The following PHACTR2 variants were observed in gnomAD, a reference collection of about 807,000 sequenced individuals.
PHACTR2 encodes the protein phosphatase and actin regulator 2.
Under a neutral mutation model 76.0 loss-of-function variants are expected in PHACTR2, and 30 were observed. The ratio of observed to expected loss-of-function variants is 0.39; its 90% CI spans 0.30 to 0.54. PHACTR2 has a LOEUF of 0.54. Ranked by LOEUF, PHACTR2 falls within the 20% of genes least tolerant of loss-of-function variation. The pLI is 0.61. For synonymous variants in PHACTR2, 292 were observed against 292.5 expected, an observed-to-expected ratio of 1.00 and a Z score of 0.02; for missense variants, 696 against 781.1, an observed-to-expected ratio of 0.89 and a Z score of 1.30.
At chr6:143,706,343 T>G (rs1190083295) in intron 1 of PHACTR2, among the ~76,000 whole-genome samples, 2 of 152,234 alleles carry the variant, frequency 1.3e-5, no homozygotes, top group African/African-American at 4.8e-5. Flanking sequence ...CTTCTAGGCC[T>G]TCTGAGAGGA....
At position 143,765,374 on chromosome 6, in the gene PHACTR2, G is replaced by A. The variant is rs1320350082; in HGVS notation, c.808G>A (p.Gly270Arg). The A allele has an allele frequency of 1.2e-6, 2 of 1,614,212 alleles. No homozygotes were observed. The highest frequency in any genetic ancestry group is 2.2e-5 in the East Asian group (1 of 44,878). ...ASKETVSSKA[G>R]TVGTTKGKRK... ...AAAGGAGACAGTTTCTAGCAAAGCA[G>A]GGACAGTGGGGACCACCAAGGGCAA... The change falls in exon 6 of 13, where the codon GGG (glycine) becomes AGG (arginine). Residue 270 changes from glycine to arginine, a missense_variant. This residue lies in a region of PHACTR2 where 460 missense variants were observed against 450.9 expected (regional missense o/e 1.02). Coordinates refer to ENST00000440869, the MANE Select transcript of PHACTR2 (RefSeq NM_001100164.2). The surrounding 1 kb of genome is among the most constrained non-coding windows in gnomAD (Gnocchi z 4.1).
At position 143,550,948 on chromosome 6, in the gene PHACTR2, G is replaced by A. The variant is rs1412860963; in HGVS notation, c.217+13741G>A. Among the ~76,000 whole-genome samples, 1 of 151,944 alleles carries A rather than the reference G, an allele frequency of 6.6e-6. No homozygotes were observed. The highest frequency in any genetic ancestry group is 1.9e-4 in the East Asian group (1 of 5,192). ...CAGCTACTTGGGAACTGAGGCAGGA[G>A]GATCACTTGAGCCTGGGAGGTTGAG... On this transcript the variant is annotated intron_variant, in intron 1 of 11. Coordinates refer to the PHACTR2 transcript ENST00000367584. The surrounding 1 kb of genome is among the most constrained non-coding windows in gnomAD (Gnocchi z 4.8).
intron 1 of PHACTR2, among the ~76,000 whole-genome samples, chr6:143,702,468 G>C (rs1029989346): frequency 1.3e-5 from 2 of 152,066 alleles, no homozygotes; most frequent in Non-Finnish European, 2.9e-5. Flanking sequence ...AGTGTTGCTG[G>C]TTCACCATGA....
At chr6:143,798,203 TGTTA>T (rs1775870572) in intron 11 of PHACTR2, among the ~76,000 whole-genome samples, 1 of 152,212 alleles carries the variant, frequency 6.6e-6, no homozygotes, top group Admixed American at 6.5e-5. Context: ...TCTGTTTGTC[TGTTA>T]TTGATGTATA....
Position 143,820,014 on chromosome 6 carries a change from G to T in PHACTR2, c.1923-3660G>T, listed in dbSNP as rs1197897412. On this transcript the variant is annotated intron_variant, in intron 12 of 12. Coordinates refer to ENST00000440869, the MANE Select transcript of PHACTR2 (RefSeq NM_001100164.2). The surrounding 1 kb of genome is among the most constrained non-coding windows in gnomAD (Gnocchi z 4.2). ...CGAAGGGGGAGCAGGCACATCACAT[G>T]GCAAGAATGGGAGAAAGAGTGGAGG... Among the ~76,000 whole-genome samples, 1 of 152,138 alleles carries T rather than the reference G, an allele frequency of 6.6e-6. No homozygotes were observed. The highest frequency in any genetic ancestry group is 2.4e-5 in the African/African-American group (1 of 41,424).
chr6:143,565,696 A>T (rs1039619786), intron 1 of PHACTR2, among the ~76,000 whole-genome samples: 7 of 151,922 alleles, frequency 4.6e-5, no homozygotes, highest in Non-Finnish European at 1.5e-5. Flanking sequence ...GATGGTGATA[A>T]GTGAACAGAG....
At position 143,757,230 on chromosome 6, in the gene PHACTR2, A is replaced by G. The variant is rs1242480216; in HGVS notation, c.455-3171A>G. On this transcript the variant is annotated intron_variant, in intron 4 of 12. Coordinates refer to ENST00000440869, the MANE Select transcript of PHACTR2 (RefSeq NM_001100164.2). This position sits in a 1 kb window ranked among gnomAD's most constrained non-coding sequence, Gnocchi z 4.2. ...AGACTCTACTAGGGGCCAGGAAAAGAGTAGTAAATGAAAAATGGCCTTTGC... is the reference window on the plus strand; with the variant it reads ...AGACTCTACTAGGGGCCAGGAAAAGGGTAGTAAATGAAAAATGGCCTTTGC... Among the ~76,000 whole-genome samples the G allele has an allele frequency of 2.0e-5, 3 of 152,324 alleles. No homozygotes were observed.
intron 1 of PHACTR2, among the ~76,000 whole-genome samples, chr6:143,586,878 G>T (rs929811367): frequency 6.6e-6 from 1 of 152,114 alleles, no homozygotes; most frequent in Non-Finnish European, 1.5e-5. Context: ...AGCCTTTGAA[G>T]TCGAGTCCCG....
chr6:143,655,375 T>A lies in PHACTR2; in HGVS notation c.13+47053T>A, dbSNP rs373221383. Among the ~76,000 whole-genome samples the A allele has an allele frequency of 5.3e-5, 8 of 152,178 alleles. No homozygotes were observed. In the East Asian group the frequency reaches 1.2e-3, roughly 22 times the overall value. On this transcript the variant is annotated intron_variant, in intron 1 of 11. Transcript: ENST00000305766. ...GGGTTTCTTACTGGGTTGATGACAA[T>A]ACCATAAAATTGATGGTAGTGATGG...
In PHACTR2 at chr6:143,800,956, G is replaced by A. The variant is rs1775940257; in HGVS notation, c.1846-6101G>A. 6.6e-6 allele frequency among the ~76,000 whole-genome samples: 1 copy of A among 152,112 alleles called. No individual in the cohort carries two copies. The highest frequency in any genetic ancestry group is 1.5e-5 in the Non-Finnish European group (1 of 68,030). Reference sequence around the variant, plus strand: ...ATTTTATTTCTCCTTCACTTATGAAGCTTAGTTCAGCTGGATATGAAATTT... The same window carrying A: ...ATTTTATTTCTCCTTCACTTATGAAACTTAGTTCAGCTGGATATGAAATTT... On this transcript the variant is annotated intron_variant, in intron 11 of 12. Coordinates refer to ENST00000440869, the MANE Select transcript of PHACTR2 (RefSeq NM_001100164.2). This position sits in a 1 kb window ranked among gnomAD's most constrained non-coding sequence, Gnocchi z 4.8.
Position 143,750,133 on chromosome 6 carries a change from T to C in PHACTR2, c.295+1068T>C, listed in dbSNP as rs1354298157. 6.6e-6 allele frequency among the ~76,000 whole-genome samples: 1 copy of C among 152,190 alleles called. No individual in the cohort carries two copies. The highest frequency in any genetic ancestry group is 1.9e-4 in the East Asian group (1 of 5,198). On this transcript the variant is annotated intron_variant, in intron 3 of 12. Transcript: ENST00000440869. This position sits in a 1 kb window ranked among gnomAD's most constrained non-coding sequence, Gnocchi z 4.6. Reference sequence around the variant, plus strand: ...GAGCTGAGAAATGCTTTCCTGTTTTTCTCCTGATTCAAAGAAAGTAGGGAA... The same window carrying C: ...GAGCTGAGAAATGCTTTCCTGTTTTCCTCCTGATTCAAAGAAAGTAGGGAA...
intron 1 of PHACTR2, among the ~76,000 whole-genome samples, chr6:143,631,158 C>T (rs1776356674): frequency 6.6e-6 from 1 of 152,092 alleles, no homozygotes; most frequent in Admixed American, 6.6e-5. Context: ...AAGATTTAAC[C>T]TTCTAGTAGA....
Position 143,624,804 on chromosome 6 carries a change from C to T in PHACTR2, c.13+16482C>T, listed in dbSNP as rs141594803. On this transcript the variant is annotated intron_variant, in intron 1 of 11. Coordinates refer to the PHACTR2 transcript ENST00000305766. The surrounding 1 kb of genome is among the most constrained non-coding windows in gnomAD (Gnocchi z 4.6). ...AAAGCTGCGTTTGTCATTGTGCCTA[C>T]AAGCTGAGTACAGTGTCAGATATCA... Among the ~76,000 whole-genome samples, 41 of 152,112 alleles carry T rather than the reference C, an allele frequency of 2.7e-4. No individual in the cohort carries two copies. In the East Asian group the frequency reaches 7.8e-3, roughly 29 times the overall value.
rs531225420 is a variant in PHACTR2, at chr6:143,633,444, CT to C, written c.13+25125del. ...AGGTCTTCCTTTTTAGTGAGGACCT[CT>C]TTAGAGAGACCTTCTGTTCAGGTCT... On this transcript the variant is annotated intron_variant, in intron 1 of 11. Coordinates refer to the PHACTR2 transcript ENST00000305766. The surrounding 1 kb of genome is among the most constrained non-coding windows in gnomAD (Gnocchi z 4.1). Among the ~76,000 whole-genome samples the C allele has an allele frequency of 8.2e-4, 125 of 152,304 alleles. No homozygotes were observed. Among genetic ancestry groups the C allele is most frequent in the African/African-American group, 3.0e-3 (124 of 41,590 alleles).
In PHACTR2 at chr6:143,652,173, CA is replaced by C. The variant is rs1776774335; in HGVS notation, c.13+43856del. On this transcript the variant is annotated intron_variant, in intron 1 of 11. Transcript: ENST00000305766. The surrounding 1 kb of genome is among the most constrained non-coding windows in gnomAD (Gnocchi z 4.5). ...TAGGTACAACCACAAGATATTTGGT[CA>C]AAAAGGATTGAAAGCCACTACTTGC... Among the ~76,000 whole-genome samples the C allele has an allele frequency of 6.6e-6, 1 of 151,708 alleles. No homozygotes were observed. The highest frequency in any genetic ancestry group is 2.4e-5 in the African/African-American group (1 of 41,328).
In PHACTR2 at chr6:143,750,840, A is replaced by G. The variant is rs1459704792; in HGVS notation, c.295+1775A>G. 6.6e-6 allele frequency among the ~76,000 whole-genome samples: 1 copy of G among 152,204 alleles called. No homozygotes were observed. The highest frequency in any genetic ancestry group is 2.4e-5 in the African/African-American group (1 of 41,456). ...CAAAACAATTTTTTAACCTAAGCAT[A>G]ATATAATAATAGGCTTAATGTTTGA... On this transcript the variant is annotated intron_variant, in intron 3 of 12. Coordinates refer to ENST00000440869, the MANE Select transcript of PHACTR2 (RefSeq NM_001100164.2). This position sits in a 1 kb window ranked among gnomAD's most constrained non-coding sequence, Gnocchi z 4.6.
intron 1 of PHACTR2, among the ~76,000 whole-genome samples, chr6:143,707,093 G>A (rs1251699774): frequency 2.6e-5 from 4 of 151,950 alleles, no homozygotes; most frequent in Non-Finnish European, 5.9e-5. Flanking sequence ...GAAAGTGACA[G>A]AATTATAATG....
At position 143,617,214 on chromosome 6, in the gene PHACTR2, C is replaced by A. The variant is rs386469689; in HGVS notation, c.13+8892C>A. On this transcript the variant is annotated intron_variant, in intron 1 of 11. Coordinates refer to the PHACTR2 transcript ENST00000305766. This position sits in a 1 kb window ranked among gnomAD's most constrained non-coding sequence, Gnocchi z 4.8. ...AAGGCCCAGCACATATCCCATCTTA[C>A]AACGTCTTCCCAACTGGTCTCCAAG... 1.6e-4 allele frequency among the ~76,000 whole-genome samples: 24 copies of A among 152,352 alleles called. No homozygotes were observed. Among genetic ancestry groups the A allele is most frequent in the Non-Finnish European group, 2.8e-4 (19 of 68,028 alleles).
intron 11 of PHACTR2, among the ~76,000 whole-genome samples, chr6:143,797,661 A>C (rs1775856638): frequency 1.3e-5 from 2 of 152,174 alleles, no homozygotes; most frequent in African/African-American, 4.8e-5. Flanking sequence ...ACCGTTTATT[A>C]AATAGGGAAT....
Sources: allele counts gnomAD v4.1 joint callset (sites outside exome capture counted in the v4.1 genomes callset), GRCh38; gene constraint gnomAD v4.1.1; regional missense constraint gnomAD v4.1.1; non-coding constraint Gnocchi (gnomAD v3.1); transcripts MANE v1.5; gene names NCBI Gene and HGNC (gene_info 2026-07-23, HGNC 2026-07-21).